The following TNIK variants were observed in gnomAD, a reference collection of about 807,000 sequenced individuals.
TNIK encodes TRAF2 and NCK-interacting protein kinase.
A neutral mutation model predicts 191.3 loss-of-function variants in TNIK; 49 were observed. The observed-to-expected ratio is 0.26, with a 90% confidence interval of 0.20 to 0.32. The LOEUF (loss-of-function observed/expected upper bound fraction) is 0.32, where lower values mean the gene tolerates loss of function less well. Ranked by LOEUF, TNIK falls within the 10% of genes least tolerant of loss-of-function variation. TNIK has a pLI of 1.00. For missense variants in TNIK, 1,155 were observed against 1,702.3 expected, an observed-to-expected ratio of 0.68 and a Z score of 5.66; for synonymous variants, 594 against 600.9, an observed-to-expected ratio of 0.99 and a Z score of 0.17.
chr3:171,249,912 A>G (rs1172781074), intron 2 of TNIK, among the ~76,000 whole-genome samples: 3 of 152,110 alleles, frequency 2.0e-5, no homozygotes, highest in African/African-American at 7.2e-5. Context: ...CTGTATATCA[A>G]CTTGTCAGGC....
chr3:171,111,868 C>A (rs558653514), intron 18 of TNIK, among the ~76,000 whole-genome samples: 2 of 152,080 alleles, frequency 1.3e-5, no homozygotes, highest in East Asian at 3.9e-4. Context: ...CTACAAATAC[C>A]GAACTCATAG....
At chr3:171,098,609 G>T (rs1394923935) in intron 22 of TNIK, among the ~76,000 whole-genome samples, 1 of 152,100 alleles carries the variant, frequency 6.6e-6, no homozygotes, top group Non-Finnish European at 1.5e-5. Context: ...CAAAATGGCT[G>T]GTGCTCCATT....
chr3:171,134,608 G>C (rs75585935), intron 15 of TNIK, among the ~76,000 whole-genome samples: 1,678 of 152,254 alleles, frequency 0.011, 31 homozygotes, highest in African/African-American at 0.038. Context: ...TTAATGCAGA[G>C]ACATTCATAT....
chr3:171,426,689 G>C (rs573302216), intron 1 of TNIK, among the ~76,000 whole-genome samples: 9 of 152,016 alleles, frequency 5.9e-5, no homozygotes, highest in Non-Finnish European at 1.3e-4. Flanking sequence ...AGTCTCCAGG[G>C]CTTCTCCACT....
chr3:171,365,224 C>T (rs1180711203), intron 2 of TNIK, among the ~76,000 whole-genome samples: 4 of 106,306 alleles, frequency 3.8e-5, no homozygotes, highest in Non-Finnish European at 7.2e-5. Flanking sequence ...CTCTACTTGC[C>T]CAAGCTGGAG....
chr3:171,385,740 C>T (rs529426345), intron 1 of TNIK, among the ~76,000 whole-genome samples: 2 of 152,238 alleles, frequency 1.3e-5, no homozygotes, highest in Non-Finnish European at 2.9e-5. Context: ...TGTATCATTT[C>T]TGTCAGAAAT....
At chr3:171,384,410 G>C (rs1447477510) in intron 1 of TNIK, among the ~76,000 whole-genome samples, 1 of 152,194 alleles carries the variant, frequency 6.6e-6, no homozygotes, top group East Asian at 1.9e-4. Flanking sequence ...AACTCATCTG[G>C]GAACCTTGTT....
rs997577989 is a variant in TNIK, at chr3:171,313,060, C to A, written c.123+56560G>T. Among the ~76,000 whole-genome samples the A allele has an allele frequency of 2.6e-5, 4 of 151,844 alleles. 1 individual carries two copies. Among genetic ancestry groups the A allele is most frequent in the Admixed American group, 2.6e-4 (4 of 15,242 alleles). ...ATCAGGGGAATCACTTTGCAGTCAC[C>A]GAGACAGTGTTTTGAAAACGAAGGA... On this transcript the variant is annotated intron_variant, in intron 2 of 32. Transcript: ENST00000436636.
chr3:171,310,009 G>A (rs1322438871), intron 2 of TNIK, among the ~76,000 whole-genome samples: 3 of 151,990 alleles, frequency 2.0e-5, no homozygotes, highest in Non-Finnish European at 4.4e-5. Flanking sequence ...GCCACTCACT[G>A]GAGCTCTTAA....
chr3:171,143,287 T>A (rs1366669057), intron 12 of TNIK, among the ~76,000 whole-genome samples: 2 of 152,092 alleles, frequency 1.3e-5, no homozygotes, highest in Non-Finnish European at 2.9e-5. Context: ...TTGCTTTCTC[T>A]CCTCCTGTGC....
At chr3:171,243,418 T>C (rs1745216882) in intron 2 of TNIK, among the ~76,000 whole-genome samples, 1 of 139,958 alleles carries the variant, frequency 7.1e-6, no homozygotes, top group Non-Finnish European at 1.5e-5. Context: ...ACATAATATT[T>C]ATAGTAAATT....
intron 1 of TNIK, among the ~76,000 whole-genome samples, chr3:171,458,756 G>A (rs1472871380): frequency 6.6e-6 from 1 of 152,156 alleles, no homozygotes; most frequent in East Asian, 1.9e-4. Flanking sequence ...CCATCCTGGT[G>A]TCTCCCTGTA....
At chr3:171,407,843 G>A (rs1045116288) in intron 1 of TNIK, among the ~76,000 whole-genome samples, 2 of 152,178 alleles carry the variant, frequency 1.3e-5, no homozygotes, top group Non-Finnish European at 2.9e-5. Flanking sequence ...TCAAGAATCA[G>A]AAGTATCATT....
intron 1 of TNIK, among the ~76,000 whole-genome samples, chr3:171,422,554 T>C (rs1723962045): frequency 6.6e-6 from 1 of 152,238 alleles, no homozygotes; most frequent in South Asian, 2.1e-4. Context: ...TTTGTTAATG[T>C]ATTTTTTAAA....
intron 2 of TNIK, among the ~76,000 whole-genome samples, chr3:171,367,404 C>T (rs1715875239): frequency 7.1e-6 from 1 of 141,486 alleles, no homozygotes; most frequent in Non-Finnish European, 1.5e-5. Flanking sequence ...AGAAACCAAA[C>T]CCTTAAATAG....
At chr3:171,156,692 C>T (rs985689491) in intron 12 of TNIK, among the ~76,000 whole-genome samples, 3 of 152,228 alleles carry the variant, frequency 2.0e-5, no homozygotes, top group African/African-American at 7.2e-5. Flanking sequence ...ACAAGGCATG[C>T]AGCCAACTGT....
chr3:171,167,678 T>A (rs2108756303), intron 9 of TNIK, among the ~76,000 whole-genome samples: 1 of 152,214 alleles, frequency 6.6e-6, no homozygotes, highest in East Asian at 1.9e-4. Context: ...ATATGTAGGA[T>A]GACAGTGAAA....
rs537988300 is a variant in TNIK, at chr3:171,455,493, G to A, written c.57+4514C>T. The stretch of plus-strand genomic sequence containing the variant: ...TGGTTTCAAGCAGTCCTCCCACTTC[G>A]GCCTCCCGAAGTGCTGGGATTACAG... On this transcript the variant is annotated intron_variant, in intron 1 of 32. Coordinates refer to ENST00000436636, the MANE Select transcript of TNIK (RefSeq NM_015028.4). Among the ~76,000 whole-genome samples the A allele has an allele frequency of 1.6e-4, 21 of 135,300 alleles. No homozygotes were observed. In the East Asian group the frequency reaches 3.7e-3, roughly 24 times the overall value. 88.8% of individuals were successfully genotyped at this position (135,300 alleles called of 152,430 possible).
chr3:171,334,611 G>A lies in TNIK; in HGVS notation c.123+35009C>T, dbSNP rs190681983. ...ATCAAGCTACCTTCTGGCTCATTCC[G>A]TTTTCCTTCTTTTAAAGATTAACTA... On this transcript the variant is annotated intron_variant, in intron 2 of 32. Transcript: ENST00000436636. 9.2e-5 allele frequency among the ~76,000 whole-genome samples: 14 copies of A among 152,254 alleles called. No individual in the cohort carries two copies. The East Asian group carries it at 2.5e-3, about 27-fold the overall frequency.
Sources: allele counts gnomAD v4.1 joint callset (sites outside exome capture counted in the v4.1 genomes callset), GRCh38; gene constraint gnomAD v4.1.1; transcripts MANE v1.5; gene names NCBI Gene and HGNC (gene_info 2026-07-23, HGNC 2026-07-21).